The following DMWD variants were observed in gnomAD, a reference collection of about 807,000 sequenced individuals.
DMWD encodes dystrophia myotonica WD repeat-containing protein.
Under a neutral mutation model 45.8 loss-of-function variants are expected in DMWD, and 19 were observed. The ratio of observed to expected loss-of-function variants is 0.41; its 90% CI spans 0.29 to 0.61. The LOEUF is 0.61. Ranked by LOEUF, DMWD falls within the 20% of genes least tolerant of loss-of-function variation. The pLI is 0.25. For missense variants in DMWD, 802 were observed against 965.2 expected, an observed-to-expected ratio of 0.83 and a Z score of 2.24; for synonymous variants, 515 against 440.5, an observed-to-expected ratio of 1.17 and a Z score of -2.12.
Position 45,786,036 on chromosome 19 carries a change from G to A in DMWD, c.1460C>T (p.Pro487Leu). 1 of 1,539,326 alleles carries A rather than the reference G, an allele frequency of 6.5e-7. No individual in the cohort carries two copies. The highest frequency in any genetic ancestry group is 8.8e-7 in the Non-Finnish European group (1 of 1,142,806). Residue 487 changes from proline (P) to leucine (L), a missense_variant, in exon 3 of 5, where the codon CCT (proline) becomes CTT (leucine). Around this residue, in one of 9 missense-constraint regions of DMWD, gnomAD observed 303 missense variants for 332.9 expected, o/e 0.91. Coordinates refer to ENST00000270223, the MANE Select transcript of DMWD (RefSeq NM_004943.2). The part of the protein sequence containing the change: ...RGGEPGPGPL[P>L]RSLSRSNSLP... ...ACTGTTGGAGCGGGACAGCGAGCGA[G>A]GCAGGGGGCCTGGGCCAGGCTCGCC...
chr19:45,791,217 TG>T (rs1168193021), intron 1 of DMWD, 130 bp from the exon 2 acceptor site: 2 of 930,666 alleles, frequency 2.1e-6, no homozygotes, highest in Non-Finnish European at 3.2e-6. Context: ...GGTGAGTAGG[TG>T]GATTGCGAAG....
Position 45,786,358 on chromosome 19 carries a change from T to C in DMWD, c.1138A>G (p.Thr380Ala), listed in dbSNP as rs1400904345. ...GTCGCCGCCTCCTCTGCCCTTGTGG[T>C]GTAGGGGTCAAAGGCCACAGCGTTG... ...WVNAVAFDPY[T>A]TRAEEAATAA... Residue 380 changes from threonine to alanine, a missense_variant, in exon 3 of 5, where the codon ACC becomes GCC. Around this residue, in one of 9 missense-constraint regions of DMWD, gnomAD observed 146 missense variants for 212.8 expected, o/e 0.69. Coordinates refer to ENST00000270223, the MANE Select transcript of DMWD (RefSeq NM_004943.2). 6.2e-7 allele frequency: 1 copy of C among 1,611,690 alleles called. No individual in the cohort carries two copies.
rs1287700580 is a variant in DMWD at position 45,784,194 on chromosome 19, G to A, written c.*49C>T. ...CTGTGAGGTCAGCAGGGAGGGTTAT[G>A]GCTAGGAGGCTGGGGGCATGGGGTT... On this transcript the variant is annotated 3_prime_UTR_variant, in exon 5 of 5. Transcript: ENST00000270223. The A allele has an allele frequency of 6.6e-7, 1 of 1,522,194 alleles. No individual in the cohort carries two copies. Among genetic ancestry groups the A allele is most frequent in the African/African-American group, 1.4e-5 (1 of 72,846 alleles). The allele number at this position is 1,522,194 out of a possible 1,614,324, so 94.3% of individuals were successfully genotyped here.
In DMWD at chr19:45,785,700, T is replaced by C; in HGVS notation, c.1796A>G (p.Lys599Arg). The change falls in exon 3 of 5, where the codon AAG becomes AGG. Residue 599 changes from lysine to arginine, a missense_variant. Coordinates refer to ENST00000270223, the MANE Select transcript of DMWD (RefSeq NM_004943.2). ...TGTGAGCCGCTCCTGGGCGATCTTC[T>C]TGCACACAAGGGGCTCCAGCAGGGG... The part of the protein sequence containing the change: ...EVPLLEPLVC[K>R]KIAQERLTVL... The C allele has an allele frequency of 6.2e-7, 1 of 1,604,150 alleles. No individual in the cohort carries two copies. The highest frequency in any genetic ancestry group is 8.5e-7 in the Non-Finnish European group (1 of 1,173,982).
rs1442601293 is a variant in DMWD at position 45,792,523 on chromosome 19, C to T, written c.234G>A (p.Ser78=). 3.5e-6 allele frequency: 4 copies of T among 1,134,668 alleles called. No individual in the cohort carries two copies. The highest frequency in any genetic ancestry group is 5.0e-5 in the Admixed American group (1 of 20,132). The allele number at this position is 1,134,668 out of a possible 1,614,324, so 70.3% of individuals were successfully genotyped here. Residue 78 remains serine, a synonymous_variant, in exon 1 of 5, where the codon TCG becomes TCA. Transcript: ENST00000270223. ...GTCCGGGGCCTGCGGGCGGCGGGGACGACGCGGGGCCTGCAGCGCCGGGAC... is the reference window on the plus strand; with the variant it reads ...GTCCGGGGCCTGCGGGCGGCGGGGATGACGCGGGGCCTGCAGCGCCGGGAC... The part of the protein sequence containing the change: ...ASGPGAAGPA[S]SPPPAGPGPG...
In DMWD at chr19:45,783,471, G is replaced by T. The variant is rs1470497753; in HGVS notation, c.*772C>A. The T allele has an allele frequency of 5.0e-6, 2 of 398,172 alleles. No homozygotes were observed. Among genetic ancestry groups the T allele is most frequent in the African/African-American group, 4.1e-5 (2 of 48,752 alleles). The allele number at this position is 398,172 out of a possible 1,614,324, so 24.7% of individuals were successfully genotyped here. A position where few individuals can be genotyped will look rare whatever the true frequency, so the allele number is the denominator to read the frequency against. Reference sequence around the variant, plus strand: ...TAATTTAAAAAACACCGAGGACTTTGATGAGGGGCCCTGGCTGCGGGCAGG... The same window carrying T: ...TAATTTAAAAAACACCGAGGACTTTTATGAGGGGCCCTGGCTGCGGGCAGG... On this transcript the variant is annotated 3_prime_UTR_variant, in exon 5 of 5. Coordinates refer to ENST00000270223, the MANE Select transcript of DMWD (RefSeq NM_004943.2).
At position 45,788,311 on chromosome 19, in the gene DMWD, A is replaced by G. The variant is rs557059981; in HGVS notation, c.625-1440T>C. Among the ~76,000 whole-genome samples, 3 of 152,288 alleles carry G rather than the reference A, an allele frequency of 2.0e-5. No homozygotes were observed. In the East Asian group the frequency reaches 5.8e-4, roughly 29 times the overall value. Reference sequence around the variant, plus strand: ...GCAGGGTTCCAGAGCCTGAGGCCCTAATGCTCTCAGGCAGCCAGTGTATGC... The same window carrying G: ...GCAGGGTTCCAGAGCCTGAGGCCCTGATGCTCTCAGGCAGCCAGTGTATGC... On this transcript the variant is annotated intron_variant, in intron 2 of 4. Transcript: ENST00000270223.
chr19:45,785,654 G>C lies in DMWD; in HGVS notation c.1842C>G (p.Asp614Glu). ...ERLTVLLFLE[D>E]CIITACQEGL... Reference sequence around the variant, plus strand: ...CCTCCTGGCAGGCAGTGATGATGCAGTCCTCCAGGAACAGGAGGACTGTGA... The same window carrying C: ...CCTCCTGGCAGGCAGTGATGATGCACTCCTCCAGGAACAGGAGGACTGTGA... Residue 614 changes from aspartate to glutamate, a missense_variant, in exon 3 of 5, where the codon GAC becomes GAG. Physicochemically the swap from Asp to Glu is conservative, Grantham distance 45. Coordinates refer to ENST00000270223, the MANE Select transcript of DMWD (RefSeq NM_004943.2). 6.4e-7 allele frequency: 1 copy of C among 1,563,174 alleles called. No individual in the cohort carries two copies. The highest frequency in any genetic ancestry group is 8.7e-7 in the Non-Finnish European group (1 of 1,149,538).
intron 2 of DMWD, among the ~76,000 whole-genome samples, chr19:45,788,397 A>G (rs908644759): frequency 2.0e-5 from 3 of 152,190 alleles, no homozygotes; most frequent in African/African-American, 7.2e-5. Flanking sequence ...CTGAACAAAT[A>G]ATCACTCTAG....
In DMWD at chr19:45,783,253, T is replaced by G; in HGVS notation, c.*990A>C. On this transcript the variant is annotated 3_prime_UTR_variant, in exon 5 of 5. Transcript: ENST00000270223. ...GGGTGGCGCGGGAAGACACACTCCC[T>G]GCGGCTCCGAGAGCCAAGAGGAATC... 3.9e-6 allele frequency: 1 copy of G among 253,270 alleles called. No individual in the cohort carries two copies. The highest frequency in any genetic ancestry group is 7.5e-6 in the Non-Finnish European group (1 of 134,134). 15.7% of individuals were successfully genotyped at this position (253,270 alleles called of 1,614,324 possible).
In DMWD at chr19:45,786,597, G is replaced by A. The variant is rs1317117242; in HGVS notation, c.899C>T (p.Ala300Val). 7 of 1,613,832 alleles carry A rather than the reference G, an allele frequency of 4.3e-6. No homozygotes were observed. The highest frequency in any genetic ancestry group is 5.9e-6 in the Non-Finnish European group (7 of 1,179,862). The change falls in exon 3 of 5, where the codon GCC (alanine) becomes GTC (valine). Residue 300 changes from alanine to valine, a missense_variant. Ala to Val is a moderately conservative substitution (Grantham distance 64, BLOSUM62 0). Coordinates refer to ENST00000270223, the MANE Select transcript of DMWD (RefSeq NM_004943.2). ...CAGGCAGCCATCCTGGCTCACACAG[G>A]CCAGGTGCCGGCCATCGGGCGAGAA... ...FAFSPDGRHL[A>V]CVSQDGCLRV...
Position 45,792,588 on chromosome 19 carries a change from G to C in DMWD, c.169C>G (p.Gln57Glu). 7.7e-7 allele frequency: 1 copy of C among 1,294,990 alleles called. No homozygotes were observed. The highest frequency in any genetic ancestry group is 9.9e-7 in the Non-Finnish European group (1 of 1,005,110). 80.2% of individuals were successfully genotyped at this position (1,294,990 alleles called of 1,614,324 possible). A position where few individuals can be genotyped will look rare whatever the true frequency, so the allele number is the denominator to read the frequency against. The change falls in exon 1 of 5, where the codon CAG (glutamine) becomes GAG (glutamate). Residue 57 changes from glutamine (Q) to glutamate (E), a missense_variant. Around this residue, in one of 9 missense-constraint regions of DMWD, gnomAD observed 151 missense variants for 128.1 expected, o/e 1.18. Transcript: ENST00000270223. ...PASAQTPVPP[Q>E]PPQPPPGPAS... Reference sequence around the variant, plus strand: ...GGGCCGGGCGGGGGCTGCGGTGGCTGAGGCGGCACCGGAGTCTGGGCGGAA... The same window carrying C: ...GGGCCGGGCGGGGGCTGCGGTGGCTCAGGCGGCACCGGAGTCTGGGCGGAA...
rs1466886420 is a variant in DMWD, at chr19:45,784,821, G to A, written c.1903-106C>T. 2.0e-5 allele frequency: 30 copies of A among 1,495,814 alleles called. No homozygotes were observed. The Middle Eastern group carries it at 2.9e-3, about 146-fold the overall frequency. The allele number at this position is 1,495,814 out of a possible 1,614,324, so 92.7% of individuals were successfully genotyped here. ...TGTGCTCTCAAGTTCTAGGGACTCAGGACTCTACGATTCCAAAACTGAGGA... is the reference window on the plus strand; with the variant it reads ...TGTGCTCTCAAGTTCTAGGGACTCAAGACTCTACGATTCCAAAACTGAGGA... On this transcript the variant is annotated intron_variant, in intron 3 of 4. Coordinates refer to ENST00000270223, the MANE Select transcript of DMWD (RefSeq NM_004943.2).
At position 45,790,998 on chromosome 19, in the gene DMWD, G is replaced by A. The variant is rs763669029; in HGVS notation, c.531C>T (p.Thr177=). 9.9e-6 allele frequency: 16 copies of A among 1,613,982 alleles called. No homozygotes were observed. The highest frequency in any genetic ancestry group is 4.5e-5 in the East Asian group (2 of 44,892). Residue 177 remains threonine, a synonymous_variant, in exon 2 of 5, where the codon ACC becomes ACT. Transcript: ENST00000270223. ...CHDFNQFTAA[T]ETISLLVGFS... is the part of the protein sequence containing the mutation. ...AGCCCACCAGCAGCGAGATGGTCTCGGTGGCAGCAGTGAACTGGTTGAAAT... is the reference window on the plus strand; with the variant it reads ...AGCCCACCAGCAGCGAGATGGTCTCAGTGGCAGCAGTGAACTGGTTGAAAT...
rs1600461267 is a variant in DMWD, at chr19:45,785,026, C to T, written c.1903-311G>A. On this transcript the variant is annotated intron_variant, in intron 3 of 4. Coordinates refer to ENST00000270223, the MANE Select transcript of DMWD (RefSeq NM_004943.2). ...GCACATCCACCCACTGCCCATCCTACAGGCTCTGTTCTAAGAGGTGATGAG... is the reference window on the plus strand; with the variant it reads ...GCACATCCACCCACTGCCCATCCTATAGGCTCTGTTCTAAGAGGTGATGAG... Among the ~76,000 whole-genome samples the T allele has an allele frequency of 7.2e-5, 11 of 152,312 alleles. No individual in the cohort carries two copies. The South Asian group carries it at 2.3e-3, about 32-fold the overall frequency.
Position 45,784,500 on chromosome 19 carries a change from G to A in DMWD, c.1977+141C>T, listed in dbSNP as rs927053473. ...CTGTCCTGGCAGTCAGCACTTTCAC[G>A]CAATAATCAAAGTCCTTGGCGGATC... On this transcript the variant is annotated intron_variant, in intron 4 of 4. Coordinates refer to ENST00000270223, the MANE Select transcript of DMWD (RefSeq NM_004943.2). The A allele has an allele frequency of 4.5e-6, 6 of 1,338,556 alleles. No homozygotes were observed. In the African/African-American group the frequency reaches 4.5e-5, roughly 10 times the overall value. The allele number at this position is 1,338,556 out of a possible 1,614,324, so 82.9% of individuals were successfully genotyped here.
chr19:45,784,490 G>A, intron 4 of DMWD, 151 bp downstream of exon 4: 1 of 1,329,714 alleles, frequency 7.5e-7, no homozygotes, highest in Non-Finnish European at 1.0e-6. Flanking sequence ...CTGGCAGTCA[G>A]CACTTTCACG....
Position 45,784,417 on chromosome 19 carries a change from C to A in DMWD, c.1978-127G>T, listed in dbSNP as rs555167536. 3 of 1,245,858 alleles carry A rather than the reference C, an allele frequency of 2.4e-6. No individual in the cohort carries two copies. The South Asian group carries it at 4.5e-5, about 19-fold the overall frequency. The allele number at this position is 1,245,858 out of a possible 1,614,324, so 77.2% of individuals were successfully genotyped here. On this transcript the variant is annotated intron_variant, in intron 4 of 4. Transcript: ENST00000270223. ...CACCCTGGCCTTGCCCTTGGGTCCG[C>A]CCTAGACCCCCCAGAGGCCACTGCT...
At chr19:45,784,957 G>A (rs1380391321) in intron 3 of DMWD, among the ~76,000 whole-genome samples, 8 of 152,134 alleles carry the variant, frequency 5.3e-5, no homozygotes, top group African/African-American at 1.9e-4. Context: ...GGCCTGATTC[G>A]CCTACTATGA....
Sources: allele counts gnomAD v4.1 joint callset (sites outside exome capture counted in the v4.1 genomes callset), GRCh38; gene constraint gnomAD v4.1.1; regional missense constraint gnomAD v4.1.1; transcripts MANE v1.5; gene names NCBI Gene and HGNC (gene_info 2026-07-23, HGNC 2026-07-21).